SLC9B1: variants seen among roughly 807,000 people sequenced by gnomAD.
The protein encoded by SLC9B1 is sodium/hydrogen exchanger 9B1.
Under a neutral mutation model 51.7 loss-of-function variants are expected in SLC9B1, and 32 were observed. The ratio of observed to expected loss-of-function variants is 0.62; its 90% CI spans 0.47 to 0.83. The LOEUF is 0.83. SLC9B1 is among the 40% of genes least tolerant of loss of function. The pLI, the probability that SLC9B1 is intolerant of heterozygous loss-of-function variation, is 0.00. For missense variants in SLC9B1, 406 were observed against 613.2 expected (o/e 0.66, Z 3.57); for synonymous variants, 145 against 212.7 (o/e 0.68, Z 2.77).
At chr4:102,986,057 TCTTC>T (rs1397604047) in intron 3 of SLC9B1, among the ~76,000 whole-genome samples, 2 of 152,172 alleles carry the variant, frequency 1.3e-5, no homozygotes, top group Non-Finnish European at 2.9e-5. Flanking sequence ...TTTCGAATAT[TCTTC>T]CTTTTTTACA....
intron 6 of SLC9B1, 84 bp downstream of exon 6, chr4:102,945,109 A>G: frequency 2.3e-6 from 3 of 1,327,846 alleles, no homozygotes; most frequent in Non-Finnish European, 3.0e-6. Flanking sequence ...GAGCTTTTCT[A>G]TACAACATTC....
intron 9 of SLC9B1, among the ~76,000 whole-genome samples, chr4:102,908,502 A>G (rs11097794): frequency 2.7e-5 from 4 of 150,332 alleles, no homozygotes; most frequent in East Asian, 2.0e-4. Flanking sequence ...TAAGATACAC[A>G]TATGTATATA....
chr4:102,922,524 T>G (rs1448816431), intron 7 of SLC9B1, among the ~76,000 whole-genome samples: 2 of 152,040 alleles, frequency 1.3e-5, no homozygotes, highest in African/African-American at 4.8e-5. Context: ...AGCAAACACA[T>G]TCAAAAGCCA....
intron 11 of SLC9B1, among the ~76,000 whole-genome samples, chr4:102,904,416 A>G (rs1394433485): frequency 2.0e-5 from 3 of 150,948 alleles, no homozygotes; most frequent in African/African-American, 7.4e-5. Context: ...AGCAAAATAT[A>G]AAAACTCCAA....
chr4:102,999,153 G>A (rs1740384904), intron 1 of SLC9B1, among the ~76,000 whole-genome samples: 1 of 152,190 alleles, frequency 6.6e-6, no homozygotes, highest in Non-Finnish European at 1.5e-5. Context: ...AAATTGGGAT[G>A]TTTGTTTTTT....
At chr4:102,930,449 T>A (rs1450413251) in intron 7 of SLC9B1, among the ~76,000 whole-genome samples, 2 of 152,232 alleles carry the variant, frequency 1.3e-5, no homozygotes, top group Non-Finnish European at 2.9e-5. Flanking sequence ...TGAGACAGTG[T>A]CTCACTCTGT....
chr4:102,925,864 C>A (rs1445850359), intron 7 of SLC9B1, among the ~76,000 whole-genome samples: 2 of 152,204 alleles, frequency 1.3e-5, no homozygotes, highest in South Asian at 2.1e-4. Context: ...ACTGGCAAAC[C>A]GAATCCAGCA....
chr4:102,898,169 A>G, downstream of SLC9B1: 2 of 519,302 alleles, frequency 3.9e-6, no homozygotes, highest in Non-Finnish European at 7.7e-6. Context: ...GTATAGCTGT[A>G]CCACAAGACC....
At chr4:102,905,209 GTTTATTTATTTA>G (rs138082740) in intron 11 of SLC9B1, among the ~76,000 whole-genome samples, 1 of 145,974 alleles carries the variant, frequency 6.9e-6, no homozygotes, top group Non-Finnish European at 1.5e-5. Flanking sequence ...CTTTGTTTTT[GTTTATTTATTTA>G]TTTATTTATT....
chr4:102,979,437 C>A (rs972743515), intron 3 of SLC9B1, among the ~76,000 whole-genome samples: 1 of 152,160 alleles, frequency 6.6e-6, no homozygotes, highest in East Asian at 1.9e-4. Flanking sequence ...TCTTCTCCAG[C>A]CTCTAGTGAA....
At chr4:102,925,882 A>C (rs1299936756) in intron 7 of SLC9B1, among the ~76,000 whole-genome samples, 1 of 152,182 alleles carries the variant, frequency 6.6e-6, no homozygotes, top group Non-Finnish European at 1.5e-5. Flanking sequence ...GCAGCACATC[A>C]AAAAGCTTAT....
intron 6 of SLC9B1, among the ~76,000 whole-genome samples, chr4:102,936,545 A>G (rs6821232): frequency 0.54 from 82,669 of 152,026 alleles, 23,029 homozygotes; most frequent in African/African-American, 0.68. Context: ...TGAAATAGGC[A>G]TTTTAAGAAA....
chr4:102,979,783 A>C (rs968073057), intron 3 of SLC9B1, among the ~76,000 whole-genome samples: 3 of 152,128 alleles, frequency 2.0e-5, no homozygotes, highest in African/African-American at 4.8e-5. Context: ...TTACAGAGAG[A>C]TCTCAAAAAT....
chr4:102,907,345 T>A (rs1392920223), intron 9 of SLC9B1, among the ~76,000 whole-genome samples: 1 of 152,150 alleles, frequency 6.6e-6, no homozygotes, highest in Non-Finnish European at 1.5e-5. Context: ...TGGGAAGCCC[T>A]CCACTAACAA....
At chr4:102,962,667 T>C in intron 3 of SLC9B1, 1 of 468,356 alleles carries the variant, frequency 2.1e-6, no homozygotes, top group East Asian at 6.9e-5. Context: ...CACATCCTGA[T>C]TGTAGGTGAT....
chr4:103,015,253 T>G (rs1373236737), intron 1 of SLC9B1, among the ~76,000 whole-genome samples: 3 of 144,332 alleles, frequency 2.1e-5, no homozygotes. Context: ...TACCAGCCTA[T>G]GACAGTTTAT....
intron 7 of SLC9B1, among the ~76,000 whole-genome samples, chr4:102,928,861 A>G (rs1231964627): frequency 6.6e-6 from 1 of 152,160 alleles, no homozygotes; most frequent in Non-Finnish European, 1.5e-5. Flanking sequence ...CAACTGGAGT[A>G]AGTCCAAGAG....
At position 102,994,590 on chromosome 4, in the gene SLC9B1, G is replaced by A. The variant is rs1740120381; in HGVS notation, c.-1-2878C>T. ...TCTTTATAACAGCAGCCCACTCTGT[G>A]GTGCCAGTTTACATTAGTCCTTTTT... On this transcript the variant is annotated intron_variant, in intron 1 of 11. Transcript: ENST00000296422. Among the ~76,000 whole-genome samples the A allele has an allele frequency of 2.6e-5, 4 of 152,222 alleles. No homozygotes were observed. The South Asian group carries it at 8.3e-4, about 32-fold the overall frequency.
At position 103,015,609 on chromosome 4, in the gene SLC9B1, T is replaced by C. The variant is rs148102271; in HGVS notation, c.-2+3990A>G. Among the ~76,000 whole-genome samples the C allele has an allele frequency of 8.9e-3, 1,360 of 152,308 alleles. 17 individuals are homozygous for C. The highest frequency in any genetic ancestry group is 0.019 in the Admixed American group (292 of 15,306). ...ACTCAACTTTGCCCAGCTGTGCTATTATTCTGATTGCTTTCCATCCTCCAA... is the reference window on the plus strand; with the variant it reads ...ACTCAACTTTGCCCAGCTGTGCTATCATTCTGATTGCTTTCCATCCTCCAA... On this transcript the variant is annotated intron_variant, in intron 1 of 11. Transcript: ENST00000296422.
Sources: gnomAD v4.1 joint callset for allele counts (sites outside exome capture counted in the v4.1 genomes callset) on GRCh38, gnomAD v4.1.1 for gene constraint, MANE v1.5 for transcripts, NCBI Gene and HGNC (gene_info 2026-07-23, HGNC 2026-07-21) for gene names.